Variants in ARID1B observed in about 807,000 individuals in gnomAD.
ARID1B encodes AT-rich interactive domain-containing protein 1B.
A neutral mutation model predicts 212.3 loss-of-function variants in ARID1B; 30 were observed. The ratio of observed to expected loss-of-function variants is 0.14; its 90% confidence interval spans 0.11 to 0.19. The LOEUF (loss-of-function observed/expected upper bound fraction) is 0.19, where lower values mean the gene tolerates loss of function less well. ARID1B is among the 10% of genes least tolerant of loss of function. The pLI, the probability that ARID1B is intolerant of heterozygous loss-of-function variation, is 1.00. For synonymous variants in ARID1B, 1,402 were observed against 1,301.7 expected (o/e 1.08, Z -1.66); for missense variants, 2,891 against 3,204.0 (o/e 0.90, Z 2.36).
Position 156,778,083 on chromosome 6 carries a change from T to C in ARID1B, c.403T>C (p.Ser135Pro), listed in dbSNP as rs1348932780. Residue 135 changes from serine (S) to proline (P), a missense_variant, in exon 1 of 20, where the codon TCG becomes CCG. Ser to Pro is a moderately conservative substitution (Grantham distance 74). Coordinates refer to ENST00000636930, the MANE Select transcript of ARID1B (RefSeq NM_001374828.1). ...GGCAGCGGCGGCATCCTCTTCCTCC[T>C]CGTCGGGCCCGGGCTCGGCCATGGA... ...AAAAAASSSS[S>P]SGPGSAMETG... The C allele has an allele frequency of 6.5e-7, 1 of 1,539,406 alleles. No individual in the cohort carries two copies. The highest frequency in any genetic ancestry group is 8.7e-7 in the Non-Finnish European group (1 of 1,146,178).
At chr6:157,152,185 G>A (rs1790247569) in intron 8 of ARID1B, 3 of 152,142 alleles carry the variant, frequency 2.0e-5, no homozygotes, top group African/African-American at 7.2e-5. Context: ...AACTCCAGAG[G>A]CCTCTTTAGA....
chr6:156,962,556 A>G (rs1237854890), intron 4 of ARID1B, among the ~76,000 whole-genome samples: 4 of 151,872 alleles, frequency 2.6e-5, no homozygotes, highest in Non-Finnish European at 5.9e-5. Flanking sequence ...TCACAGCACA[A>G]TCACAGCTCA....
chr6:157,108,283 A>C (rs1048927495), intron 5 of ARID1B, among the ~76,000 whole-genome samples: 3 of 152,208 alleles, frequency 2.0e-5, no homozygotes, highest in African/African-American at 7.2e-5. Context: ...TATTTTATGA[A>C]TCATGGGATG....
At chr6:156,828,585 A>G (rs962664537) in intron 1 of ARID1B, among the ~76,000 whole-genome samples, 3 of 152,150 alleles carry the variant, frequency 2.0e-5, no homozygotes, top group African/African-American at 7.2e-5. Flanking sequence ...AAAATTCAAC[A>G]TCTACTTGTG....
chr6:157,030,665 C>T (rs1414024539), intron 4 of ARID1B, among the ~76,000 whole-genome samples: 1 of 152,208 alleles, frequency 6.6e-6, no homozygotes, highest in Admixed American at 6.5e-5. Context: ...AATAGAAAGA[C>T]ACACCAGCAT....
chr6:157,007,803 G>A (rs991181632), intron 4 of ARID1B, among the ~76,000 whole-genome samples: 1 of 148,218 alleles, frequency 6.7e-6, no homozygotes. Flanking sequence ...AGCCTCCCAA[G>A]TAACTGGGAC....
chr6:156,882,216 C>T (rs1787155724), intron 2 of ARID1B, among the ~76,000 whole-genome samples: 1 of 152,088 alleles, frequency 6.6e-6, no homozygotes, highest in South Asian at 2.1e-4. Flanking sequence ...AGCCTTGGTC[C>T]CGGTGGAGCA....
intron 6 of ARID1B, among the ~76,000 whole-genome samples, chr6:157,114,518 C>G (rs1437382630): frequency 2.2e-5 from 2 of 89,024 alleles, no homozygotes; most frequent in Admixed American, 2.5e-4. Flanking sequence ...AGCGACACTC[C>G]GTCTCAAAAA....
At chr6:156,865,199 G>C (rs1785596028) in intron 2 of ARID1B, among the ~76,000 whole-genome samples, 1 of 152,000 alleles carries the variant, frequency 6.6e-6, no homozygotes, top group South Asian at 2.1e-4. Flanking sequence ...TTGGTTTCCT[G>C]GATTCTGTGT....
At chr6:157,162,806 G>A (rs1791031429) in intron 8 of ARID1B, among the ~76,000 whole-genome samples, 1 of 152,124 alleles carries the variant, frequency 6.6e-6, no homozygotes, top group Admixed American at 6.5e-5. Context: ...ACCCAACCAG[G>A]GTCACCCCCA....
intron 3 of ARID1B, among the ~76,000 whole-genome samples, chr6:156,914,460 C>T (rs1210401677): frequency 6.6e-6 from 1 of 152,220 alleles, no homozygotes; most frequent in Admixed American, 6.5e-5. Context: ...TGGCTCTCTT[C>T]CTACTTTGTG....
At chr6:157,156,127 G>A (rs1403930274) in intron 8 of ARID1B, among the ~76,000 whole-genome samples, 1 of 152,220 alleles carries the variant, frequency 6.6e-6, no homozygotes, top group Non-Finnish European at 1.5e-5. Flanking sequence ...ACTTCGAAAT[G>A]TGTCAAGCCC....
At chr6:156,987,200 C>A (rs1174214429) in intron 4 of ARID1B, among the ~76,000 whole-genome samples, 5 of 141,674 alleles carry the variant, frequency 3.5e-5, no homozygotes, top group African/African-American at 1.3e-4. Context: ...AGAGAGAGAC[C>A]CTGTCTCAAA....
intron 10 of ARID1B, 66 bp downstream of exon 10, chr6:157,174,183 C>T: frequency 9.1e-6 from 13 of 1,420,794 alleles, no homozygotes; most frequent in Non-Finnish European, 1.2e-5. Context: ...GTCGTTCTCT[C>T]TTCACTGGTG....
At chr6:156,873,826 T>C (rs1191653737) in intron 2 of ARID1B, among the ~76,000 whole-genome samples, 1 of 152,212 alleles carries the variant, frequency 6.6e-6, no homozygotes, top group African/African-American at 2.4e-5. Flanking sequence ...TTTAGAAGGC[T>C]CTCTCCTGGA....
intron 2 of ARID1B, among the ~76,000 whole-genome samples, chr6:156,866,621 G>T (rs1390194866): frequency 6.6e-6 from 1 of 152,092 alleles, no homozygotes; most frequent in Non-Finnish European, 1.5e-5. Flanking sequence ...TCTTTATCCA[G>T]AGTCTCTTTA....
chr6:157,174,631 A>G (rs1055855404), intron 10 of ARID1B, among the ~76,000 whole-genome samples: 1 of 150,812 alleles, frequency 6.6e-6, no homozygotes, highest in Non-Finnish European at 1.5e-5. Flanking sequence ...TCCAGCATCC[A>G]GCAGACTTAC....
At chr6:156,823,950 C>T (rs1292643935) in intron 1 of ARID1B, among the ~76,000 whole-genome samples, 1 of 152,022 alleles carries the variant, frequency 6.6e-6, no homozygotes, top group Non-Finnish European at 1.5e-5. Context: ...GCAAGTTGTC[C>T]TTTAACTTGG....
At chr6:157,109,956 T>G (rs1005775296) in intron 5 of ARID1B, among the ~76,000 whole-genome samples, 2 of 152,268 alleles carry the variant, frequency 1.3e-5, no homozygotes, top group Non-Finnish European at 2.9e-5. Context: ...TACTGCATTT[T>G]ATAGTAGTAT....
Sources: gnomAD v4.1 joint callset for allele counts (sites outside exome capture counted in the v4.1 genomes callset) on GRCh38, gnomAD v4.1.1 for gene constraint, MANE v1.5 for transcripts, NCBI Gene and HGNC (gene_info 2026-07-23, HGNC 2026-07-21) for gene names.